The following GPATCH8 variants were observed in gnomAD, a reference collection of about 807,000 sequenced individuals.
GPATCH8 encodes G patch domain-containing protein 8.
In GPATCH8, 18 loss-of-function variants were observed where a neutral mutation model predicts 118.3. That is an observed-to-expected ratio of 0.15 (90% CI 0.11 to 0.23). The LOEUF is 0.23. Ranked by LOEUF, GPATCH8 falls within the 10% of genes least tolerant of loss-of-function variation. The pLI is 1.00. For missense variants in GPATCH8, 1,631 were observed against 1,873.8 expected, an observed-to-expected ratio of 0.87 and a Z score of 2.39; for synonymous variants, 659 against 684.7, an observed-to-expected ratio of 0.96 and a Z score of 0.59.
chr17:44,470,292 G>T (rs1364090015), intron 2 of GPATCH8, among the ~76,000 whole-genome samples: 1 of 146,366 alleles, frequency 6.8e-6, no homozygotes, highest in South Asian at 2.2e-4. Context: ...CACGATCTTG[G>T]GTTCAAGCGA....
At chr17:44,471,782 T>C (rs1967296717) in intron 2 of GPATCH8, among the ~76,000 whole-genome samples, 1 of 151,932 alleles carries the variant, frequency 6.6e-6, no homozygotes, top group Non-Finnish European at 1.5e-5. Flanking sequence ...CTTCTTTTGT[T>C]TGGTGGGAGG....
intron 7 of GPATCH8, among the ~76,000 whole-genome samples, chr17:44,405,209 C>CTT (rs542901574): frequency 2.2e-5 from 3 of 138,026 alleles, no homozygotes; most frequent in Non-Finnish European, 1.6e-5. Context: ...GTTTATAATT[C>CTT]TTTTTTTTTT....
intron 6 of GPATCH8, among the ~76,000 whole-genome samples, chr17:44,413,372 G>A (rs1232206255): frequency 6.6e-6 from 1 of 152,010 alleles, no homozygotes; most frequent in African/African-American, 2.4e-5. Context: ...CCACATTCAA[G>A]CGATTCTTGT....
rs2048912787 is a variant in GPATCH8, at chr17:44,399,303, C to T, written c.2774G>A (p.Arg925Gln). 3 of 1,613,884 alleles carry T rather than the reference C, an allele frequency of 1.9e-6. No homozygotes were observed. Among genetic ancestry groups the T allele is most frequent in the Non-Finnish European group, 1.7e-6 (2 of 1,179,820 alleles). Reference sequence around the variant, plus strand: ...ATCATCAGAAGATGAATATTTGTGCCGTTTTGATCGGTGTTTGGAGCTGGC... The same window carrying T: ...ATCATCAGAAGATGAATATTTGTGCTGTTTTGATCGGTGTTTGGAGCTGGC... ...DYASSKHRSK[R>Q]HKYSSSDDDY... Residue 925 changes from arginine (R) to glutamine (Q), a missense_variant, in exon 8 of 8, where the codon CGG becomes CAG. Transcript: ENST00000591680.
chr17:44,466,744 A>G (rs2051779431), intron 2 of GPATCH8, among the ~76,000 whole-genome samples: 1 of 152,200 alleles, frequency 6.6e-6, no homozygotes, highest in African/African-American at 2.4e-5. Context: ...TCCTTATTTC[A>G]TATCATAATT....
In GPATCH8 at chr17:44,397,618, G is replaced by C; in HGVS notation, c.4459C>G (p.Pro1487Ala). 2 of 1,613,872 alleles carry C rather than the reference G, an allele frequency of 1.2e-6. No homozygotes were observed. Among genetic ancestry groups the C allele is most frequent in the Non-Finnish European group, 1.7e-6 (2 of 1,179,872 alleles). ...TGCAGGTCCTGACCTGAGAAGATGGGGTGAAGTAGTGGGTGAAGGTGAAGT... is the reference window on the plus strand; with the variant it reads ...TGCAGGTCCTGACCTGAGAAGATGGCGTGAAGTAGTGGGTGAAGGTGAAGT... ...TALHLHPLLHPIFSGQDLQHP... is the reference protein window; with the variant it reads ...TALHLHPLLHAIFSGQDLQHP... The change falls in exon 8 of 8, where the codon CCC (proline) becomes GCC (alanine). Residue 1487 changes from proline (P) to alanine (A), a missense_variant. Coordinates refer to ENST00000591680, the MANE Select transcript of GPATCH8 (RefSeq NM_001002909.4).
At chr17:44,489,350 GT>G (rs1258506322) in intron 1 of GPATCH8, among the ~76,000 whole-genome samples, 44 of 140,392 alleles carry the variant, frequency 3.1e-4, no homozygotes, top group Middle Eastern at 3.7e-3. Context: ...CCTCTTTTTT[GT>G]TTTTTTTTTT....
chr17:44,464,951 A>ACCACCG, intron 2 of GPATCH8: 1 of 175,920 alleles, frequency 5.7e-6, no homozygotes, highest in South Asian at 1.3e-4. Context: ...TTTTTTAAAG[A>ACCACCG]AAATCTACAC....
intron 1 of GPATCH8, among the ~76,000 whole-genome samples, chr17:44,491,402 G>T (rs8074093): frequency 0.61 from 90,750 of 149,988 alleles, 27,514 homozygotes; most frequent in Middle Eastern, 0.66. Context: ...AGCAGAGAAC[G>T]ACTTGAATCT....
At chr17:44,425,727 C>T (rs928411785) in intron 5 of GPATCH8, among the ~76,000 whole-genome samples, 6 of 152,042 alleles carry the variant, frequency 3.9e-5, no homozygotes, top group African/African-American at 1.4e-4. Context: ...TGAGGTCTCA[C>T]TATGCTGCCA....
intron 5 of GPATCH8, among the ~76,000 whole-genome samples, chr17:44,426,910 G>A (rs575838901): frequency 1.3e-5 from 2 of 151,042 alleles, no homozygotes; most frequent in African/African-American, 4.9e-5. Flanking sequence ...AGAAGACAGT[G>A]GTACAATAAA....
intron 1 of GPATCH8, among the ~76,000 whole-genome samples, chr17:44,478,503 G>C (rs953891126): frequency 3.3e-5 from 5 of 152,050 alleles, no homozygotes; most frequent in Admixed American, 1.3e-4. Flanking sequence ...AAAAAAACTA[G>C]ATGGGCGTGG....
chr17:44,408,792 G>A (rs764509630), intron 6 of GPATCH8, among the ~76,000 whole-genome samples: 2 of 152,148 alleles, frequency 1.3e-5, no homozygotes, highest in East Asian at 3.9e-4. Context: ...AGGTAGATAC[G>A]GAAGAAGATG....
chr17:44,445,482 C>A (rs963603956), intron 3 of GPATCH8, among the ~76,000 whole-genome samples: 3 of 151,632 alleles, frequency 2.0e-5, no homozygotes, highest in African/African-American at 7.3e-5. Context: ...GAGCTCCAAT[C>A]TATGTGAGTA....
At chr17:44,498,411 C>T (rs1457248491) in intron 1 of GPATCH8, among the ~76,000 whole-genome samples, 2 of 152,204 alleles carry the variant, frequency 1.3e-5, no homozygotes, top group African/African-American at 4.8e-5. Context: ...CTAATTACAA[C>T]TTAAGTCTCT....
At chr17:44,467,128 A>C in intron 2 of GPATCH8, 1 of 1,237,576 alleles carries the variant, frequency 8.1e-7, no homozygotes, top group Non-Finnish European at 1.1e-6. Context: ...TCAAAAGAAC[A>C]GTTAAATGTA....
Position 44,400,068 on chromosome 17 carries a change from C to T in GPATCH8, c.2009G>A (p.Gly670Glu). 1.2e-6 allele frequency: 2 copies of T among 1,613,882 alleles called. No homozygotes were observed. The highest frequency in any genetic ancestry group is 1.1e-5 in the South Asian group (1 of 91,066). ...TTTCTTTTTGTGCCGGTGGGACTTCCCAGATCGTTCTTTCTTGCTGGGAAG... is the reference window on the plus strand; with the variant it reads ...TTTCTTTTTGTGCCGGTGGGACTTCTCAGATCGTTCTTTCTTGCTGGGAAG... ...RSLPSKKERS[G>E]KSHRHKKKKK... Residue 670 changes from glycine (G) to glutamate (E), a missense_variant, in exon 8 of 8, where the codon GGG (glycine) becomes GAG (glutamate). Physicochemically the swap from Gly to Glu is moderately conservative, Grantham distance 98 (BLOSUM62 -2). Coordinates refer to ENST00000591680, the MANE Select transcript of GPATCH8 (RefSeq NM_001002909.4).
intron 6 of GPATCH8, among the ~76,000 whole-genome samples, chr17:44,415,617 G>A (rs1369402467): frequency 6.6e-6 from 1 of 152,194 alleles, no homozygotes; most frequent in Non-Finnish European, 1.5e-5. Flanking sequence ...TAAGTCATAA[G>A]AGCTGCCTGG....
intron 1 of GPATCH8, among the ~76,000 whole-genome samples, chr17:44,479,077 T>C (rs1401671320): frequency 6.6e-6 from 1 of 152,124 alleles, no homozygotes; most frequent in African/African-American, 2.4e-5. Flanking sequence ...CCAAAATATA[T>C]CACTATCAAA....
Sources: gnomAD v4.1 joint callset for allele counts (sites outside exome capture counted in the v4.1 genomes callset) on GRCh38, gnomAD v4.1.1 for gene constraint, MANE v1.5 for transcripts, NCBI Gene and HGNC (gene_info 2026-07-23, HGNC 2026-07-21) for gene names.